EYS: variants seen among roughly 807,000 people sequenced by gnomAD.
EYS encodes protein eyes shut homolog.
EYS carries 250 observed loss-of-function variants against 282.1 expected under a neutral mutation model. The observed-to-expected ratio is 0.89, with a 90% CI of 0.80 to 0.98. The LOEUF (loss-of-function observed/expected upper bound fraction) is 0.98. Ranked by LOEUF, EYS falls within the 50% of genes least tolerant of loss-of-function variation. EYS has a pLI of 0.00. For synonymous variants in EYS, 1,355 were observed against 1,282.9 expected (o/e 1.06, Z -1.20); for missense variants, 4,016 against 3,709.0 (o/e 1.08, Z -2.15).
At chr6:64,890,739 C>T (rs111630276) in intron 18 of EYS, among the ~76,000 whole-genome samples, 1 of 152,004 alleles carries the variant, frequency 6.6e-6, no homozygotes, top group African/African-American at 2.4e-5. Context: ...TGATATCACA[C>T]AGTAAATAAA....
At chr6:64,726,486 A>G (rs886911254) in intron 22 of EYS, among the ~76,000 whole-genome samples, 2 of 152,150 alleles carry the variant, frequency 1.3e-5, no homozygotes, top group African/African-American at 4.8e-5. Context: ...GTAGCTAACT[A>G]TAGATAGATA....
chr6:65,366,921 C>G (rs1376547983), intron 8 of EYS, among the ~76,000 whole-genome samples: 1 of 151,670 alleles, frequency 6.6e-6, no homozygotes, highest in African/African-American at 2.4e-5. Flanking sequence ...ATATCACCTT[C>G]TCTGTCTCTG....
chr6:65,624,116 T>C (rs747282864), intron 2 of EYS, among the ~76,000 whole-genome samples: 1 of 152,284 alleles, frequency 6.6e-6, no homozygotes, highest in Middle Eastern at 3.4e-3. Flanking sequence ...TGAGAAAATA[T>C]TTTCTAAAAT....
At chr6:65,387,714 C>A (rs540786189) in intron 7 of EYS, among the ~76,000 whole-genome samples, 1 of 151,856 alleles carries the variant, frequency 6.6e-6, no homozygotes. Flanking sequence ...AGATAGTTTT[C>A]TCTGCTGTGG....
chr6:65,150,872 T>C (rs765043028), intron 12 of EYS, among the ~76,000 whole-genome samples: 17 of 151,976 alleles, frequency 1.1e-4, no homozygotes, highest in Non-Finnish European at 2.1e-4. Flanking sequence ...CTCCCTTGGG[T>C]ATTTTGGTGT....
At chr6:64,220,780 C>G (rs1026877146) in intron 31 of EYS, among the ~76,000 whole-genome samples, 2 of 152,050 alleles carry the variant, frequency 1.3e-5, no homozygotes, top group African/African-American at 4.8e-5. Flanking sequence ...TTGAATCTAA[C>G]GTTGTTTATT....
At chr6:64,823,560 C>A (rs1009684165) in intron 19 of EYS, among the ~76,000 whole-genome samples, 1 of 151,916 alleles carries the variant, frequency 6.6e-6, no homozygotes, top group East Asian at 1.9e-4. Context: ...CCCATTACAT[C>A]CATTACTAGC....
At chr6:64,730,712 G>A (rs1369329316) in intron 22 of EYS, 1 of 152,092 alleles carries the variant, frequency 6.6e-6, no homozygotes, top group Non-Finnish European at 1.5e-5. Flanking sequence ...TCTTGACCTA[G>A]TGATCAGCCT....
Position 64,839,210 on chromosome 6 carries a change from T to C in EYS, c.2993-16388A>G, listed in dbSNP as rs533333792. The stretch of plus-strand genomic sequence containing the variant: ...CTTGAGCAGTTCACTATAAATACAA[T>C]GAAAATCGATCACTTCATTTTGAAA... On this transcript the variant is annotated intron_variant, in intron 19 of 42. Transcript: ENST00000503581. Among the ~76,000 whole-genome samples, 12 of 152,154 alleles carry C rather than the reference T, an allele frequency of 7.9e-5. No homozygotes were observed. The South Asian group carries it at 2.5e-3, about 32-fold the overall frequency.
intron 22 of EYS, among the ~76,000 whole-genome samples, chr6:64,785,016 C>G (rs1773974146): frequency 6.6e-6 from 1 of 152,082 alleles, no homozygotes; most frequent in African/African-American, 2.4e-5. Flanking sequence ...ATTCCAGTGA[C>G]TTGGGAGACT....
intron 5 of EYS, among the ~76,000 whole-genome samples, chr6:65,457,414 C>T (rs9351504): frequency 0.19 from 28,149 of 152,028 alleles, 3,249 homozygotes; most frequent in Middle Eastern, 0.29. Context: ...ATCCTTCCAC[C>T]TCAGCCTTCC....
chr6:65,244,765 G>T (rs919053965), intron 12 of EYS, among the ~76,000 whole-genome samples: 4 of 151,050 alleles, frequency 2.6e-5, no homozygotes, highest in Non-Finnish European at 5.9e-5. Context: ...CTGCTGATCC[G>T]CCCGCCTCGG....
chr6:64,214,988 A>C (rs1434040498), intron 31 of EYS, among the ~76,000 whole-genome samples: 1 of 151,992 alleles, frequency 6.6e-6, no homozygotes, highest in African/African-American at 2.4e-5. Context: ...ATAGGTTTTA[A>C]ATTTCCACTC....
intron 29 of EYS, among the ~76,000 whole-genome samples, chr6:64,355,926 A>G (rs963427110): frequency 8.6e-5 from 13 of 151,592 alleles, no homozygotes; most frequent in Non-Finnish European, 1.5e-4. Context: ...TTAATATTTG[A>G]TCAGAAACTT....
At chr6:65,000,919 G>A (rs1352403420) in intron 13 of EYS, among the ~76,000 whole-genome samples, 1 of 152,318 alleles carries the variant, frequency 6.6e-6, no homozygotes, top group African/African-American at 2.4e-5. Flanking sequence ...ACATGCTAGA[G>A]TTCCCTGATC....
chr6:64,320,371 A>AT (rs540827583), intron 29 of EYS, among the ~76,000 whole-genome samples: 33 of 151,456 alleles, frequency 2.2e-4, no homozygotes, highest in African/African-American at 7.0e-4. Context: ...ATCTCTGCTC[A>AT]TTTTTTCCCC....
intron 2 of EYS, among the ~76,000 whole-genome samples, chr6:65,537,292 C>G (rs555908332): frequency 4.6e-5 from 7 of 152,024 alleles, no homozygotes; most frequent in African/African-American, 1.5e-4. Context: ...CACATGTATA[C>G]CTATGTAACA....
chr6:63,937,628 G>T (rs1006309451), intron 35 of EYS, among the ~76,000 whole-genome samples: 3 of 151,696 alleles, frequency 2.0e-5, no homozygotes, highest in East Asian at 3.9e-4. Flanking sequence ...TGATCCGCTC[G>T]CCTCGGCCTC....
intron 5 of EYS, among the ~76,000 whole-genome samples, chr6:65,459,292 T>C (rs9342481): frequency 0.19 from 28,731 of 152,008 alleles, 3,005 homozygotes; most frequent in East Asian, 0.31. Flanking sequence ...TTTTCACTTA[T>C]TAGAAAAGAT....
Sources: allele counts gnomAD v4.1 joint callset (sites outside exome capture counted in the v4.1 genomes callset), GRCh38; gene constraint gnomAD v4.1.1; transcripts MANE v1.5; gene names NCBI Gene and HGNC (gene_info 2026-07-23, HGNC 2026-07-21).